Variants in MCF2L observed in about 807,000 individuals in gnomAD.
The protein encoded by MCF2L is MCF.2 cell line derived transforming sequence like, also known as guanine nucleotide exchange factor DBS.
A neutral mutation model predicts 153.4 loss-of-function variants in MCF2L; 97 were observed. That is an observed-to-expected ratio of 0.63 (90% CI 0.54 to 0.75). The LOEUF (loss-of-function observed/expected upper bound fraction) is 0.75, where lower values mean the gene tolerates loss of function less well. MCF2L is among the 30% of genes least tolerant of loss of function. MCF2L has a pLI of 0.00. For missense variants in MCF2L, 1,347 were observed against 1,495.2 expected (o/e 0.90, Z 1.64); for synonymous variants, 659 against 632.2 (o/e 1.04, Z -0.64).
Position 113,082,552 on chromosome 13 carries a change from TC to T in MCF2L, c.1991+16del. Reference sequence around the variant, plus strand: ...ATCACTTCCACAACAGGTGGGCCCTTCCCCCCGACACAGGCACGCACCCGTG... The same window carrying T: ...ATCACTTCCACAACAGGTGGGCCCTTCCCCCGACACAGGCACGCACCCGTG... On this transcript the variant is annotated intron_variant, in intron 17 of 29. Transcript: ENST00000535094. The T allele has an allele frequency of 2.6e-6, 4 of 1,561,552 alleles. No homozygotes were observed. Among genetic ancestry groups the T allele is most frequent in the Non-Finnish European group, 3.5e-6 (4 of 1,133,234 alleles).
At chr13:113,024,465 C>T (rs1215991691) in intron 2 of MCF2L, among the ~76,000 whole-genome samples, 179 bp from the exon 3 acceptor site, 1 of 152,226 alleles carries the variant, frequency 6.6e-6, no homozygotes, top group African/African-American at 2.4e-5. Context: ...CTTTTGTGTA[C>T]TTTCCAAATA....
chr13:112,959,460 C>G (rs2081797997), intron 2 of MCF2L, among the ~76,000 whole-genome samples: 1 of 152,104 alleles, frequency 6.6e-6, no homozygotes, highest in Admixed American at 6.5e-5. Context: ...CTCTGGGAAG[C>G]TGTTCCTTCT....
At position 113,041,083 on chromosome 13, in the gene MCF2L, G is replaced by T. The variant is rs1424561941; in HGVS notation, c.279-4188G>T. ...CCCCTCCAAGGCCAACTGTTGCGGA[G>T]TTGGCAGCTGATGGGGCATCTATGG... On this transcript the variant is annotated intron_variant, in intron 3 of 29. Transcript: ENST00000535094. 3.3e-5 allele frequency: 5 copies of T among 152,398 alleles called. No individual in the cohort carries two copies. The East Asian group carries it at 9.6e-4, about 29-fold the overall frequency. 9.4% of individuals were successfully genotyped at this position (152,398 alleles called of 1,614,324 possible).
chr13:113,045,430 TCCTC>T lies in MCF2L; in HGVS notation c.369+70_369+73del. On this transcript the variant is annotated intron_variant, in intron 4 of 29. Transcript: ENST00000535094. The surrounding 1 kb of genome is among the most constrained non-coding windows in gnomAD (Gnocchi z 4.2). ...GGGCTGCATGACCGCATGGTGCCCT[TCCTC>T]TGTGTCTGCCGCAGTTCCTGCTTTG... The T allele has an allele frequency of 7.9e-7, 1 of 1,273,164 alleles. No individual in the cohort carries two copies. The highest frequency in any genetic ancestry group is 1.1e-6 in the Non-Finnish European group (1 of 875,610). 78.9% of individuals were successfully genotyped at this position (1,273,164 alleles called of 1,614,324 possible). A position where few individuals can be genotyped will look rare whatever the true frequency, so the allele number is the denominator to read the frequency against.
At chr13:113,050,666 G>C (rs1329495085) in intron 4 of MCF2L, among the ~76,000 whole-genome samples, 5 of 90,632 alleles carry the variant, frequency 5.5e-5, no homozygotes, top group Admixed American at 1.2e-4. Flanking sequence ...GGGGGCCGGG[G>C]CGGTGGAGGG....
intron 2 of MCF2L, among the ~76,000 whole-genome samples, chr13:112,936,523 G>A (rs2081517130): frequency 1.3e-5 from 2 of 152,138 alleles, no homozygotes. Flanking sequence ...AGGTGTTTTT[G>A]GGGAAGAAGA....
chr13:113,001,685 G>A, intron 1 of MCF2L: 1 of 1,347,710 alleles, frequency 7.4e-7, no homozygotes, highest in Non-Finnish European at 9.5e-7. Context: ...CCTGCAGCAG[G>A]ATAAGTGAGC....
In MCF2L at chr13:113,064,626, G is replaced by C. The variant is rs1276246734; in HGVS notation, c.606+206G>C. The C allele has an allele frequency of 3.4e-6, 2 of 584,016 alleles. No homozygotes were observed. The highest frequency in any genetic ancestry group is 3.8e-5 in the African/African-American group (2 of 53,306). The allele number at this position is 584,016 out of a possible 1,614,324, so 36.2% of individuals were successfully genotyped here. ...CATAAGTTTGGGAGTGGCTTTCTCT[G>C]GGCTTGGAGACCAAAAAAAAAAAAA... On this transcript the variant is annotated intron_variant, in intron 6 of 29. Transcript: ENST00000535094. This position sits in a 1 kb window ranked among gnomAD's most constrained non-coding sequence, Gnocchi z 6.0.
intron 21 of MCF2L, among the ~76,000 whole-genome samples, 199 bp from the exon 22 acceptor site, chr13:113,087,036 C>T (rs1339861129): frequency 1.3e-5 from 2 of 152,198 alleles, no homozygotes; most frequent in South Asian, 2.1e-4. Flanking sequence ...CCATGTGCCC[C>T]GCCAGTCCAT....
chr13:112,985,156 G>T (rs893888984), intron 1 of MCF2L: 2 of 306,254 alleles, frequency 6.5e-6, no homozygotes, highest in Non-Finnish European at 1.3e-5. Context: ...ACGGTGTGTC[G>T]CCTGGACCTG....
chr13:113,007,921 T>C (rs2083819467), intron 1 of MCF2L, among the ~76,000 whole-genome samples: 1 of 149,084 alleles, frequency 6.7e-6, no homozygotes, highest in Non-Finnish European at 1.5e-5. Flanking sequence ...TTTTTCTTTT[T>C]TTTTTTTTTT....
intron 2 of MCF2L, among the ~76,000 whole-genome samples, chr13:113,015,876 G>A (rs1163928688): frequency 3.9e-5 from 6 of 152,158 alleles, no homozygotes; most frequent in Admixed American, 1.3e-4. Context: ...CCCCTGTGTC[G>A]GGGACCAGGC....
intron 5 of MCF2L, among the ~76,000 whole-genome samples, chr13:113,062,873 C>T (rs910047417): frequency 1.3e-5 from 2 of 152,154 alleles, no homozygotes; most frequent in African/African-American, 4.8e-5. Flanking sequence ...GCCGTCGCAA[C>T]CACAGGTTTT....
At chr13:113,088,944 G>A (rs534333292) in intron 25 of MCF2L, among the ~76,000 whole-genome samples, 4 of 152,318 alleles carry the variant, frequency 2.6e-5, no homozygotes, top group South Asian at 4.1e-4. Context: ...GCTGGGAGCC[G>A]GCACTGATGG....
chr13:112,909,402 G>A (rs1594307938), intron 2 of MCF2L: 1 of 744,710 alleles, frequency 1.3e-6, no homozygotes, highest in East Asian at 2.4e-5. Context: ...TGATCCCAAG[G>A]GGCTGTCTGC....
In MCF2L at chr13:113,070,052, T is replaced by C; in HGVS notation, c.882-7T>C. 3.7e-6 allele frequency: 6 copies of C among 1,605,726 alleles called. No homozygotes were observed. The highest frequency in any genetic ancestry group is 5.1e-6 in the Non-Finnish European group (6 of 1,175,734). On this transcript the variant is annotated splice_polypyrimidine_tract_variant and splice_region_variant and intron_variant, in intron 8 of 29. Transcript: ENST00000535094. The surrounding 1 kb of genome is among the most constrained non-coding windows in gnomAD (Gnocchi z 5.6). The stretch of plus-strand genomic sequence containing the variant: ...CACACAGACGGTCAACTCCTCCTCT[T>C]TCCCAGGCTCCTGGCCCAGCTGAAC...
At position 113,081,960 on chromosome 13, in the gene MCF2L, TGTGCACATGTGATCACCTGAGTGTAGAC is replaced by T. The variant is rs1310714884; in HGVS notation, c.1876-466_1876-439del. Among the ~76,000 whole-genome samples, 363 of 147,530 alleles carry T rather than the reference TGTGCACATGTGATCACCTGAGTGTAGAC, an allele frequency of 2.5e-3. 3 individuals carry two copies. The highest frequency in any genetic ancestry group is 8.9e-3 in the African/African-American group (352 of 39,452). ...TGGTCACCTGAGTGTAGACAGCGAG[TGTGCACATGTGATCACCTGAGTGTAGAC>T]AGCGAGTGTGCACAGGTGGTGACCA... On this transcript the variant is annotated intron_variant, in intron 16 of 29. Coordinates refer to ENST00000535094, the MANE Select transcript of MCF2L (RefSeq NM_001112732.3).
chr13:112,894,709 C>G (rs932436945), intron 1 of MCF2L, among the ~76,000 whole-genome samples: 4 of 152,126 alleles, frequency 2.6e-5, no homozygotes, highest in African/African-American at 9.6e-5. Context: ...TCCAGGCGCC[C>G]AGGGCCCCTC....
chr13:112,955,780 G>A (rs749926273), intron 2 of MCF2L, among the ~76,000 whole-genome samples: 3 of 152,146 alleles, frequency 2.0e-5, no homozygotes, highest in African/African-American at 7.2e-5. Context: ...GTCTGCTGTC[G>A]GAGAGTGGCC....
Sources: allele counts gnomAD v4.1 joint callset (sites outside exome capture counted in the v4.1 genomes callset), GRCh38; gene constraint gnomAD v4.1.1; non-coding constraint Gnocchi (gnomAD v3.1); transcripts MANE v1.5; gene names NCBI Gene and HGNC (gene_info 2026-07-23, HGNC 2026-07-21).